The following OTC variants were observed in gnomAD, a reference collection of about 807,000 sequenced individuals.
OTC encodes ornithine transcarbamylase.
In OTC, 3 loss-of-function variants were observed where a neutral mutation model predicts 30.3. The observed-to-expected ratio is 0.10, with a 90% confidence interval of 0.05 to 0.26. The LOEUF (loss-of-function observed/expected upper bound fraction) is 0.26. Ranked by LOEUF, OTC falls within the 10% of genes least tolerant of loss-of-function variation. OTC has a pLI of 1.00. For missense variants in OTC, 194 were observed against 260.3 expected (o/e 0.75, Z 1.75); for synonymous variants, 111 against 99.7 (o/e 1.11, Z -0.67).
chrX:38,387,587 T>C (rs748544061), intron 4 of OTC, among the ~76,000 whole-genome samples: 10 of 111,777 alleles, frequency 8.9e-5, no homozygotes, highest in African/African-American at 2.9e-4. Flanking sequence ...GGAGCTGATA[T>C]GTTGGAGTCT....
chrX:38,384,586 G>C, intron 4 of OTC, among the ~76,000 whole-genome samples: 1 of 112,102 alleles, frequency 8.9e-6, no homozygotes, highest in East Asian at 2.8e-4. Flanking sequence ...TTTGCTTTTT[G>C]TAGAAGTTTA....
intron 1 of OTC, among the ~76,000 whole-genome samples, chrX:38,361,830 TA>T (rs1193529783): frequency 1.8e-5 from 2 of 112,156 alleles, no homozygotes; most frequent in African/African-American, 3.2e-5. Flanking sequence ...CAACTGACAA[TA>T]AAAGTTTTTA....
At chrX:38,348,509 A>G (rs73632475), upstream of OTC, among the ~76,000 whole-genome samples, 4,478 of 107,371 alleles carry the variant, frequency 0.042, 253 homozygotes, top group African/African-American at 0.15. Context: ...TACTGGAGCC[A>G]GCTCACAGTA....
intron 2 of OTC, among the ~76,000 whole-genome samples, chrX:38,367,682 A>G: frequency 9.1e-6 from 1 of 110,416 alleles, no homozygotes; most frequent in East Asian, 2.8e-4. Flanking sequence ...ACTGGATCGA[A>G]CCTAAGAAAT....
chrX:38,336,028 A>G, the OTC span, among the ~76,000 whole-genome samples: 1 of 111,320 alleles, frequency 9.0e-6, no homozygotes, highest in African/African-American at 3.3e-5. Flanking sequence ...CAGGTTTCCA[A>G]CTAACAGATT....
the OTC span, among the ~76,000 whole-genome samples, chrX:38,334,793 C>A: frequency 9.0e-6 from 1 of 111,598 alleles, no homozygotes; most frequent in African/African-American, 3.3e-5. Flanking sequence ...GGGCTGCAGA[C>A]CTCTACCGGT....
chrX:38,381,579 T>A lies in OTC; in HGVS notation c.386+150T>A. The stretch of plus-strand genomic sequence containing the variant: ...CTTTCCCTGATATTCTGAATACCTC[T>A]CCCTCATCCTGTGGCCACTTTCCAT... On this transcript the variant is annotated intron_variant, in intron 4 of 9. Coordinates refer to ENST00000039007, the MANE Select transcript of OTC (RefSeq NM_000531.6). 8.8e-6 allele frequency: 4 copies of A among 452,972 alleles called. No individual in the cohort carries two copies. In the Middle Eastern group the frequency reaches 1.9e-3, roughly 216 times the overall value. 37.3% of individuals were successfully genotyped at this position (452,972 alleles called of 1,213,427 possible). A position where few individuals can be genotyped will look rare whatever the true frequency, so the allele number is the denominator to read the frequency against.
chrX:38,368,159 G>A lies in OTC; in HGVS notation c.216+730G>A, dbSNP rs902124133. The stretch of plus-strand genomic sequence containing the variant: ...GCAAATCACCTGAGGTCGGGAGTTC[G>A]AGACCAGCCCGACCAACATGAAGAA... On this transcript the variant is annotated intron_variant, in intron 2 of 9. Transcript: ENST00000039007. 1.8e-5 allele frequency among the ~76,000 whole-genome samples: 2 copies of A among 110,859 alleles called. 1 individual carries two copies.
At chrX:38,348,541 C>CTT (rs35261069), upstream of OTC, among the ~76,000 whole-genome samples, 2,218 of 88,720 alleles carry the variant, frequency 0.025, 104 homozygotes, top group African/African-American at 0.08. Context: ...CTTTTTTTTT[C>CTT]TTTTTTTTTT....
At chrX:38,420,764 G>T (rs1025708323) in intron 9 of OTC, among the ~76,000 whole-genome samples, 6 of 111,077 alleles carry the variant, frequency 5.4e-5, no homozygotes, top group African/African-American at 1.6e-4. Flanking sequence ...TCAACTCTGT[G>T]ACCCACTAGT....
the OTC span, among the ~76,000 whole-genome samples, chrX:38,337,750 A>T: frequency 1.8e-5 from 2 of 111,243 alleles, no homozygotes; most frequent in East Asian, 2.8e-4. Context: ...AATTCCCTGA[A>T]TTTTTTCCAT....
At chrX:38,391,948 C>A (rs930449047) in intron 4 of OTC, among the ~76,000 whole-genome samples, 2 of 111,717 alleles carry the variant, frequency 1.8e-5, no homozygotes, top group Non-Finnish European at 3.8e-5. Flanking sequence ...GCCACTGATA[C>A]CACCATCATC....
the OTC span, among the ~76,000 whole-genome samples, chrX:38,334,648 A>G: frequency 8.9e-6 from 1 of 112,587 alleles, no homozygotes; most frequent in Non-Finnish European, 1.9e-5. Flanking sequence ...TATATTGTGT[A>G]TATTGTAAAG....
intron 3 of OTC, among the ~76,000 whole-genome samples, chrX:38,374,154 C>T (rs933454016): frequency 8.1e-5 from 9 of 111,333 alleles, no homozygotes; most frequent in African/African-American, 2.9e-4. Flanking sequence ...CAGAGCAAGA[C>T]TCCATCTCAA....
At chrX:38,345,760 C>T in the OTC span, among the ~76,000 whole-genome samples, 2 of 110,038 alleles carry the variant, frequency 1.8e-5, no homozygotes, top group Non-Finnish European at 3.8e-5. Flanking sequence ...AGGCTGGTCT[C>T]GAACTCCTGA....
upstream of OTC, among the ~76,000 whole-genome samples, chrX:38,347,899 C>T (rs1050590606): frequency 9.8e-5 from 11 of 111,764 alleles, no homozygotes; most frequent in African/African-American, 3.6e-4. Flanking sequence ...CATTGATTCC[C>T]TCTTCAATGC....
In OTC at chrX:38,401,278, A is replaced by G. The variant is rs149795059; in HGVS notation, c.390A>G (p.Val130=). The G allele has an allele frequency of 1.7e-4, 203 of 1,199,465 alleles. No individual in the cohort carries two copies. Among genetic ancestry groups the G allele is most frequent in the Non-Finnish European group, 2.2e-4 (191 of 885,860 alleles). ...VNESLTDTAR[V]LSSMADAVLA... The stretch of plus-strand genomic sequence containing the variant: ...TCTTTTTCTTGGTTTGCCACAGTGT[A>G]TTGTCTAGCATGGCAGATGCAGTAT... The change falls in exon 5 of 10, where the codon GTA becomes GTG. Residue 130 remains valine (V), a synonymous_variant. Coordinates refer to ENST00000039007, the MANE Select transcript of OTC (RefSeq NM_000531.6).
chrX:38,385,529 C>T (rs984024903), intron 4 of OTC, among the ~76,000 whole-genome samples: 2 of 111,320 alleles, frequency 1.8e-5, no homozygotes, highest in African/African-American at 3.3e-5. Flanking sequence ...GAGCCAGGTA[C>T]GCAATGCTGT....
Position 38,389,880 on chromosome X carries a change from G to A in OTC, c.386+8451G>A, listed in dbSNP as rs2068422147. Among the ~76,000 whole-genome samples, 3 of 111,337 alleles carry A rather than the reference G, an allele frequency of 2.7e-5. No individual in the cohort carries two copies. In the Admixed American group the frequency reaches 2.9e-4, roughly 11 times the overall value. ...GCATTATATGAGGGTAAATGAGATC[G>A]TGCTTGTAAAGGACACACGCACAGA... On this transcript the variant is annotated intron_variant, in intron 4 of 9. Coordinates refer to ENST00000039007, the MANE Select transcript of OTC (RefSeq NM_000531.6).
Sources: gnomAD v4.1 joint callset for allele counts (sites outside exome capture counted in the v4.1 genomes callset) on GRCh38, gnomAD v4.1.1 for gene constraint, MANE v1.5 for transcripts, NCBI Gene and HGNC (gene_info 2026-07-23, HGNC 2026-07-21) for gene names.